PRUNE2: variants seen among roughly 807,000 people sequenced by gnomAD.
The protein encoded by PRUNE2 is protein prune homolog 2.
PRUNE2 carries 164 observed loss-of-function variants against 252.0 expected under a neutral mutation model. The ratio of observed to expected loss-of-function variants is 0.65; its 90% confidence interval spans 0.57 to 0.74. The LOEUF (loss-of-function observed/expected upper bound fraction) is 0.74. Ranked by LOEUF, PRUNE2 falls within the 30% of genes least tolerant of loss-of-function variation. The pLI, the probability that PRUNE2 is intolerant of heterozygous loss-of-function variation, is 0.00. For missense variants in PRUNE2, 3,495 were observed against 3,711.0 expected, an observed-to-expected ratio of 0.94 and a Z score of 1.51; for synonymous variants, 1,292 against 1,350.2, an observed-to-expected ratio of 0.96 and a Z score of 0.94.
rs113872188 is a variant in PRUNE2 at position 76,816,533 on chromosome 9, C to T, written c.756+7099G>A. ...AATTAGTTTAAAATTGTAATTCACA[C>T]TTCAAATGCCTCACACCGACTGACT... On this transcript the variant is annotated intron_variant, in intron 6 of 18. Transcript: ENST00000376718. Among the ~76,000 whole-genome samples, 526 of 152,314 alleles carry T rather than the reference C, an allele frequency of 3.5e-3. 4 individuals carry two copies. The highest frequency in any genetic ancestry group is 0.012 in the African/African-American group (503 of 41,564).
intron 9 of PRUNE2, among the ~76,000 whole-genome samples, chr9:76,690,937 C>T (rs1372237676): frequency 6.6e-6 from 1 of 152,176 alleles, no homozygotes; most frequent in Non-Finnish European, 1.5e-5. Context: ...TTTTATTTTA[C>T]CTCCCAGATA....
intron 1 of PRUNE2, among the ~76,000 whole-genome samples, chr9:76,900,753 A>C (rs886612468): frequency 2.0e-5 from 3 of 152,070 alleles, no homozygotes; most frequent in Non-Finnish European, 4.4e-5. Context: ...GCCTTTATCC[A>C]GATCCAAGTA....
chr9:76,875,419 G>A (rs1322393938), intron 1 of PRUNE2, among the ~76,000 whole-genome samples: 1 of 152,178 alleles, frequency 6.6e-6, no homozygotes, highest in Non-Finnish European at 1.5e-5. Flanking sequence ...AGGCTGGAGT[G>A]CAGCGGCATG....
In PRUNE2 at chr9:76,710,218, A is replaced by G; in HGVS notation, c.2056T>C (p.Trp686Arg). The G allele has an allele frequency of 6.2e-7, 1 of 1,613,858 alleles. No homozygotes were observed. Among genetic ancestry groups the G allele is most frequent in the South Asian group, 1.1e-5 (1 of 91,074 alleles). The change falls in exon 8 of 19, where the codon TGG becomes CGG. Residue 686 changes from tryptophan (W) to arginine (R), a missense_variant. By Grantham distance (101) the Trp-to-Arg change is moderately radical. Coordinates refer to ENST00000376718, the MANE Select transcript of PRUNE2 (RefSeq NM_015225.3). ...ATGGAGCTTGGCTTATGCTCTTTCCATGATTCAGGGCTCTGGAAAACAGAT... is the reference window on the plus strand; with the variant it reads ...ATGGAGCTTGGCTTATGCTCTTTCCGTGATTCAGGGCTCTGGAAAACAGAT... ...QESVFQSPESWKEHKPSSIDR... is the reference protein window; with the variant it reads ...QESVFQSPESRKEHKPSSIDR...
intron 2 of PRUNE2, among the ~76,000 whole-genome samples, chr9:76,853,118 G>A (rs1032034369): frequency 6.6e-6 from 1 of 152,138 alleles, no homozygotes; most frequent in Non-Finnish European, 1.5e-5. Flanking sequence ...AATCTCCCTT[G>A]TAAAGTTCAA....
At chr9:76,695,924 T>C (rs746242782) in intron 9 of PRUNE2, among the ~76,000 whole-genome samples, 8 of 151,784 alleles carry the variant, frequency 5.3e-5, no homozygotes, top group Non-Finnish European at 7.4e-5. Flanking sequence ...AAAAAAGTAG[T>C]AGCAATAAAA....
In PRUNE2 at chr9:76,707,338, A is replaced by T; in HGVS notation, c.4936T>A (p.Ser1646Thr). ...SLSSPETGKY[S>T]EHSGTHQESN... ...TCCTGATGTGTCCCTGAATGTTCAG[A>T]ATATTTGCCTGTTTCAGGACTGGAT... Residue 1646 changes from serine to threonine, a missense_variant, in exon 8 of 19, where the codon TCT becomes ACT. Transcript: ENST00000376718. The T allele has an allele frequency of 6.2e-7, 1 of 1,613,970 alleles. No homozygotes were observed. Among genetic ancestry groups the T allele is most frequent in the Non-Finnish European group, 8.5e-7 (1 of 1,179,876 alleles).
intron 17 of PRUNE2, among the ~76,000 whole-genome samples, chr9:76,619,687 T>C (rs1587683024): frequency 6.6e-6 from 1 of 152,368 alleles, no homozygotes; most frequent in Non-Finnish European, 1.5e-5. Flanking sequence ...AGGGGACATA[T>C]TACAAAATTG....
At chr9:76,792,576 T>G (rs1414601776) in intron 6 of PRUNE2, among the ~76,000 whole-genome samples, 1 of 152,176 alleles carries the variant, frequency 6.6e-6, no homozygotes, top group African/African-American at 2.4e-5. Context: ...GATGCAACAT[T>G]CTCATCTGCA....
chr9:76,616,957 A>AAAAT (rs200860262), intron 18 of PRUNE2, among the ~76,000 whole-genome samples: 2,864 of 151,400 alleles, frequency 0.019, 86 homozygotes, highest in African/African-American at 0.057. Context: ...GGGCTATTTA[A>AAAAT]AAATAAATAA....
chr9:76,721,015 G>C (rs1007582878), intron 6 of PRUNE2, among the ~76,000 whole-genome samples: 2 of 152,112 alleles, frequency 1.3e-5, no homozygotes. Flanking sequence ...GGCAGGAGAA[G>C]GGCATAAACC....
chr9:76,746,056 G>A (rs1349284590), intron 6 of PRUNE2, among the ~76,000 whole-genome samples: 1 of 152,214 alleles, frequency 6.6e-6, no homozygotes, highest in East Asian at 1.9e-4. Context: ...GACAGTCCCT[G>A]TGCTCAGAAG....
intron 17 of PRUNE2, among the ~76,000 whole-genome samples, chr9:76,620,217 G>A (rs1831603996): frequency 6.7e-6 from 1 of 149,216 alleles, no homozygotes; most frequent in African/African-American, 2.5e-5. Flanking sequence ...TTGGCTCACT[G>A]CAACCTCTGC....
intron 9 of PRUNE2, among the ~76,000 whole-genome samples, chr9:76,701,535 T>A (rs1304446787): frequency 6.6e-6 from 1 of 151,970 alleles, no homozygotes; most frequent in African/African-American, 2.4e-5. Context: ...GCTGCCTGAG[T>A]TCTGAGCTCA....
intron 6 of PRUNE2, among the ~76,000 whole-genome samples, chr9:76,808,144 C>T (rs910886280): frequency 6.6e-6 from 1 of 151,574 alleles, no homozygotes; most frequent in Non-Finnish European, 1.5e-5. Context: ...TGCCACTGCA[C>T]TCCAGCCTGG....
chr9:76,854,497 TAGTA>T (rs2060135245), intron 1 of PRUNE2, among the ~76,000 whole-genome samples: 1 of 152,218 alleles, frequency 6.6e-6, no homozygotes, highest in Admixed American at 6.5e-5. Flanking sequence ...GTAATTTTTT[TAGTA>T]AGTATCATTT....
chr9:76,765,131 T>C (rs2052198188), intron 6 of PRUNE2, among the ~76,000 whole-genome samples: 1 of 152,136 alleles, frequency 6.6e-6, no homozygotes, highest in Non-Finnish European at 1.5e-5. Context: ...CATTAACATA[T>C]AACCACTTAG....
intron 9 of PRUNE2, among the ~76,000 whole-genome samples, chr9:76,689,184 T>G (rs1450605307): frequency 6.6e-6 from 1 of 152,200 alleles, no homozygotes; most frequent in African/African-American, 2.4e-5. Context: ...TTCTTAGGGA[T>G]AGCATCCTGT....
At chr9:76,905,858 C>G in intron 1 of PRUNE2, 70 bp downstream of exon 1, 1 of 1,594,632 alleles carries the variant, frequency 6.3e-7, no homozygotes, top group South Asian at 1.1e-5. Context: ...TGCTGCAACA[C>G]CTTTTCCTCT....
Sources: gnomAD v4.1 joint callset for allele counts (sites outside exome capture counted in the v4.1 genomes callset) on GRCh38, gnomAD v4.1.1 for gene constraint, MANE v1.5 for transcripts, NCBI Gene and HGNC (gene_info 2026-07-23, HGNC 2026-07-21) for gene names.